ACTR8: variants seen among roughly 807,000 people sequenced by gnomAD.
ACTR8 encodes the protein actin related protein 8.
Under a neutral mutation model 84.3 loss-of-function variants are expected in ACTR8, and 70 were observed. The ratio of observed to expected loss-of-function variants is 0.83; its 90% CI spans 0.68 to 1.01. The LOEUF (loss-of-function observed/expected upper bound fraction) is 1.01, where lower values mean the gene tolerates loss of function less well. Ranked by LOEUF, ACTR8 falls within the 50% of genes least tolerant of loss-of-function variation. ACTR8 has a pLI of 0.00. For synonymous variants in ACTR8, 268 were observed against 275.2 expected (o/e 0.97, Z 0.26); for missense variants, 672 against 775.4 (o/e 0.87, Z 1.58).
intron 7 of ACTR8, 93 bp from the exon 8 acceptor site, chr3:53,874,457 G>C (rs1699936960): frequency 1.5e-6 from 2 of 1,327,850 alleles, no homozygotes; most frequent in East Asian, 2.7e-5. Context: ...GGGCATGGTG[G>C]TTCCTGCCTG....
At chr3:53,864,371 C>T (rs1307253815), downstream of ACTR8, among the ~76,000 whole-genome samples, 2 of 152,126 alleles carry the variant, frequency 1.3e-5, no homozygotes, top group Non-Finnish European at 2.9e-5. Context: ...CCCGTCTCTA[C>T]TAAAAGTACA....
At chr3:53,881,608 A>G (rs1277364210) in intron 1 of ACTR8, 1 of 356,710 alleles carries the variant, frequency 2.8e-6, no homozygotes, top group Non-Finnish European at 5.2e-6. Context: ...GCCTGGTCCT[A>G]AACTCTATCT....
Position 53,874,193 on chromosome 3 carries a change from T to C in ACTR8, c.1065+18A>G, listed in dbSNP as rs995823233. ...TCCTAGAAACAAAAATAATCAGCAA[T>C]ATTGATTCTGCTCCCACCTGATCTA... On this transcript the variant is annotated intron_variant, in intron 8 of 12. Transcript: ENST00000335754. 6.3e-7 allele frequency: 1 copy of C among 1,592,720 alleles called. No homozygotes were observed. Among genetic ancestry groups the C allele is most frequent in the Non-Finnish European group, 8.5e-7 (1 of 1,173,170 alleles).
intron 10 of ACTR8, among the ~76,000 whole-genome samples, chr3:53,871,739 T>C (rs1699886424): frequency 6.6e-6 from 1 of 152,204 alleles, no homozygotes; most frequent in Non-Finnish European, 1.5e-5. Flanking sequence ...AACCTTATCA[T>C]CACTGGTTAG....
chr3:53,863,014 G>C (rs533220925), downstream of ACTR8, among the ~76,000 whole-genome samples: 1 of 152,090 alleles, frequency 6.6e-6, no homozygotes, highest in Non-Finnish European at 1.5e-5. Context: ...TCAACAAGAT[G>C]ATGACAAGAA....
In ACTR8 at chr3:53,873,137, G is replaced by A. The variant is rs775185766; in HGVS notation, c.1066-10C>T. 6.3e-7 allele frequency: 1 copy of A among 1,597,416 alleles called. No homozygotes were observed. Among genetic ancestry groups the A allele is most frequent in the East Asian group, 2.2e-5 (1 of 44,708 alleles). On this transcript the variant is annotated splice_polypyrimidine_tract_variant and intron_variant, in intron 8 of 12. Transcript: ENST00000335754. Reference sequence around the variant, plus strand: ...GAAGCCCAGAGATGTCCTGATTCCAGGAAAAGATGCTGTCAGTGAATCAGT... The same window carrying A: ...GAAGCCCAGAGATGTCCTGATTCCAAGAAAAGATGCTGTCAGTGAATCAGT...
downstream of ACTR8, chr3:53,864,907 A>G: frequency 1.2e-6 from 2 of 1,614,250 alleles, no homozygotes; most frequent in Non-Finnish European, 1.7e-6. Context: ...AAAGTGGCAG[A>G]AAAAGAAAAT....
rs1699828732 is a variant in ACTR8, at chr3:53,868,419, A to G, written c.*300T>C. On this transcript the variant is annotated 3_prime_UTR_variant, in exon 13 of 13. Transcript: ENST00000335754. ...CAACTTAAATGAAGGGCTTCACCAC[A>G]TGAGAACCTTCAATAGCAACGTTTA... 6.7e-6 allele frequency: 2 copies of G among 296,550 alleles called. No homozygotes were observed. The highest frequency in any genetic ancestry group is 1.2e-5 in the Non-Finnish European group (2 of 160,432). 18.4% of individuals were successfully genotyped at this position (296,550 alleles called of 1,614,324 possible).
At chr3:53,872,704 C>T (rs1699904989) in intron 9 of ACTR8, among the ~76,000 whole-genome samples, 180 bp from the exon 10 acceptor site, 1 of 152,216 alleles carries the variant, frequency 6.6e-6, no homozygotes, top group African/African-American at 2.4e-5. Flanking sequence ...AGAAAACTCA[C>T]TCATCATCCA....
In ACTR8 at chr3:53,877,339, T is replaced by G; in HGVS notation, c.559A>C (p.Arg187=). The change falls in exon 5 of 13, where the codon AGA becomes CGA. Residue 187 remains arginine (R), a synonymous_variant. Coordinates refer to ENST00000335754, the MANE Select transcript of ACTR8 (RefSeq NM_022899.5). The stretch of plus-strand genomic sequence containing the variant: ...GGGTGAATATTTAACTGACCTCTTC[T>G]GATAGGCCAGTGAATATTGTAACAG... The part of the protein sequence containing the change: ...LDCYNIHWPI[R]RGQLNIHPGP... 6.2e-7 allele frequency: 1 copy of G among 1,613,930 alleles called. No homozygotes were observed. Among genetic ancestry groups the G allele is most frequent in the African/African-American group, 1.3e-5 (1 of 75,040 alleles).
chr3:53,867,160 T>C lies in ACTR8; in HGVS notation c.*1559A>G, dbSNP rs1374859881. The C allele has an allele frequency of 1.3e-5, 2 of 152,220 alleles. No homozygotes were observed. The highest frequency in any genetic ancestry group is 4.8e-5 in the African/African-American group (2 of 41,462). 9.4% of individuals were successfully genotyped at this position (152,220 alleles called of 1,614,324 possible). Reference sequence around the variant, plus strand: ...AGATGGACATGGTTTAGGTCAAAACTTGGACCAGAAACCAACTTCCTTTGA... The same window carrying C: ...AGATGGACATGGTTTAGGTCAAAACCTGGACCAGAAACCAACTTCCTTTGA... On this transcript the variant is annotated 3_prime_UTR_variant, in exon 13 of 13. Coordinates refer to ENST00000335754, the MANE Select transcript of ACTR8 (RefSeq NM_022899.5).
intron 8 of ACTR8, 162 bp from the exon 9 acceptor site, chr3:53,873,289 T>G (rs1699916227): frequency 2.2e-6 from 1 of 459,250 alleles, no homozygotes; most frequent in Non-Finnish European, 3.9e-6. Flanking sequence ...AATTAAGTTG[T>G]ACTTTGTTCC....
intron 3 of ACTR8, 135 bp downstream of exon 3, chr3:53,878,222 G>A: frequency 1.4e-6 from 1 of 726,048 alleles, no homozygotes; most frequent in Non-Finnish European, 2.3e-6. Flanking sequence ...TATTCTTTAA[G>A]TGGTTATGAG....
intron 12 of ACTR8, among the ~76,000 whole-genome samples, 179 bp from the exon 13 acceptor site, chr3:53,869,041 G>A (rs1216200538): frequency 4.6e-5 from 7 of 152,224 alleles, no homozygotes; most frequent in Admixed American, 2.6e-4. Context: ...CAGCACTTTG[G>A]GAGGCCGAGG....
At position 53,868,222 on chromosome 3, in the gene ACTR8, CT is replaced by C. The variant is rs1399839523; in HGVS notation, c.*496del. ...CAAAAACCACCAAAACTTTTTCCCC[CT>C]ATTTGGGATTCTAAGAGGACACATG... On this transcript the variant is annotated 3_prime_UTR_variant, in exon 13 of 13. Coordinates refer to ENST00000335754, the MANE Select transcript of ACTR8 (RefSeq NM_022899.5). The C allele has an allele frequency of 3.3e-5, 5 of 152,062 alleles. No individual in the cohort carries two copies. The highest frequency in any genetic ancestry group is 1.2e-4 in the African/African-American group (5 of 41,384). 9.4% of individuals were successfully genotyped at this position (152,062 alleles called of 1,614,324 possible). A position where few individuals can be genotyped will look rare whatever the true frequency, so the allele number is the denominator to read the frequency against.
chr3:53,868,880 G>C lies in ACTR8; in HGVS notation c.1732-18C>G. 6.2e-7 allele frequency: 1 copy of C among 1,611,376 alleles called. No homozygotes were observed. The highest frequency in any genetic ancestry group is 1.7e-5 in the Admixed American group (1 of 59,392). ...TCCATGTCCTACAGAAGGGATGAAGGCATTTCAGCCTAATCACATAAGACA... is the reference window on the plus strand; with the variant it reads ...TCCATGTCCTACAGAAGGGATGAAGCCATTTCAGCCTAATCACATAAGACA... On this transcript the variant is annotated intron_variant, in intron 12 of 12. Coordinates refer to ENST00000335754, the MANE Select transcript of ACTR8 (RefSeq NM_022899.5).
intron 1 of ACTR8, 74 bp from the exon 2 acceptor site, chr3:53,880,183 A>T: frequency 7.0e-7 from 1 of 1,427,832 alleles, no homozygotes; most frequent in Non-Finnish European, 9.7e-7. Flanking sequence ...CATACACATA[A>T]CAAGCTAAAC....
downstream of ACTR8, among the ~76,000 whole-genome samples, chr3:53,863,094 CA>C (rs1170367758): frequency 1.3e-5 from 2 of 151,978 alleles, no homozygotes; most frequent in African/African-American, 4.8e-5. Flanking sequence ...ATTTTAATTA[CA>C]TTTTTTTCTC....
In ACTR8 at chr3:53,868,766, G is replaced by A. The variant is rs1000438448; in HGVS notation, c.1828C>T (p.Arg610Cys). 1.1e-5 allele frequency: 17 copies of A among 1,614,148 alleles called. No individual in the cohort carries two copies. Among genetic ancestry groups the A allele is most frequent in the Admixed American group, 1.7e-5 (1 of 60,030 alleles). The change falls in exon 13 of 13, where the codon CGC becomes TGC. Residue 610 changes from arginine to cysteine, a missense_variant. Arg to Cys is a radical substitution (Grantham distance 180). Coordinates refer to ENST00000335754, the MANE Select transcript of ACTR8 (RefSeq NM_022899.5). The stretch of plus-strand genomic sequence containing the variant: ...TCTCGTAACATGCGGACACCAAAGC[G>A]CTGCCACTCTCGCTGATAAATCCAC... Reference protein sequence around the residue: ...ELWIYQREWQRFGVRMLRERA... With the variant: ...ELWIYQREWQCFGVRMLRERA...
Sources: allele counts gnomAD v4.1 joint callset (sites outside exome capture counted in the v4.1 genomes callset), GRCh38; gene constraint gnomAD v4.1.1; transcripts MANE v1.5; gene names NCBI Gene and HGNC (gene_info 2026-07-23, HGNC 2026-07-21).